The following SLC71A2 variants were observed in gnomAD, a reference collection of about 807,000 sequenced individuals.
SLC71A2 encodes the protein solute carrier family 71 member 2, also known as hippocampus abundant transcript-like 1.
chr9:94,403,542 A>G, the SLC71A2 span, among the ~76,000 whole-genome samples: 2 of 151,414 alleles, frequency 1.3e-5, no homozygotes, highest in African/African-American at 4.9e-5. Flanking sequence ...TCCATTGTAT[A>G]CATGTACCAT....
chr9:94,390,630 A>T, the SLC71A2 span, among the ~76,000 whole-genome samples: 1 of 152,208 alleles, frequency 6.6e-6, no homozygotes, highest in South Asian at 2.1e-4. Context: ...TTGATCCCAT[A>T]TATGGATGTG....
chr9:94,444,895 G>A, the SLC71A2 span: 1 of 1,464,966 alleles, frequency 6.8e-7, no homozygotes, highest in Non-Finnish European at 9.5e-7. Context: ...AGGCAGACCT[G>A]GGTAAGGATA....
At chr9:94,397,107 T>A in the SLC71A2 span, among the ~76,000 whole-genome samples, 1 of 152,314 alleles carries the variant, frequency 6.6e-6, no homozygotes, top group East Asian at 1.9e-4. Context: ...CTCTGTCCCT[T>A]TCTTTTTCTC....
At chr9:94,411,748 G>C in the SLC71A2 span, among the ~76,000 whole-genome samples, 1 of 151,950 alleles carries the variant, frequency 6.6e-6, no homozygotes, top group Non-Finnish European at 1.5e-5. Context: ...CCGCCACCAA[G>C]CCTTGCTAAT....
At chr9:94,404,075 G>C in the SLC71A2 span, among the ~76,000 whole-genome samples, 2 of 152,138 alleles carry the variant, frequency 1.3e-5, no homozygotes, top group African/African-American at 4.8e-5. Context: ...CTGTAAGACT[G>C]TCCACCCCAG....
chr9:94,442,110 A>G, the SLC71A2 span, among the ~76,000 whole-genome samples: 1 of 152,184 alleles, frequency 6.6e-6, no homozygotes, highest in African/African-American at 2.4e-5. Flanking sequence ...GTGGAAGAAG[A>G]AAGATGATCT....
At chr9:94,434,919 T>C in the SLC71A2 span, among the ~76,000 whole-genome samples, 1 of 152,202 alleles carries the variant, frequency 6.6e-6, no homozygotes, top group Non-Finnish European at 1.5e-5. Context: ...ACTCTAACTA[T>C]TATACATACT....
the SLC71A2 span, chr9:94,460,799 T>TAAAAG: frequency 6.6e-6 from 1 of 152,614 alleles, no homozygotes; most frequent in East Asian, 1.9e-4. Flanking sequence ...TGAATACATT[T>TAAAAG]AAAAGAAAAT....
chr9:94,383,161 CTT>C, the SLC71A2 span, among the ~76,000 whole-genome samples: 5 of 105,768 alleles, frequency 4.7e-5, no homozygotes, highest in Non-Finnish European at 5.4e-5. Context: ...GCTTTTACAT[CTT>C]TTTTTTTTTT....
chr9:94,436,575 C>T, the SLC71A2 span, among the ~76,000 whole-genome samples: 3 of 152,092 alleles, frequency 2.0e-5, no homozygotes, highest in Non-Finnish European at 2.9e-5. Flanking sequence ...TTTCATTTGC[C>T]TATTAAACTT....
the SLC71A2 span, among the ~76,000 whole-genome samples, chr9:94,381,393 C>T: frequency 2.0e-5 from 3 of 150,538 alleles, no homozygotes; most frequent in East Asian, 1.9e-4. Context: ...AGCATATTCT[C>T]CTCTTTGGCT....
At chr9:94,433,855 A>G in the SLC71A2 span, among the ~76,000 whole-genome samples, 1 of 152,166 alleles carries the variant, frequency 6.6e-6, no homozygotes, top group Non-Finnish European at 1.5e-5. Context: ...TTTTTCTCAT[A>G]AACTTGGAAA....
the SLC71A2 span, among the ~76,000 whole-genome samples, chr9:94,396,683 C>T: frequency 0.69 from 105,220 of 152,076 alleles, 36,643 homozygotes; most frequent in Middle Eastern, 0.76. Context: ...TGAACAAGCA[C>T]TGCTAAATAT....
chr9:94,377,384 G>GTT, the SLC71A2 span, among the ~76,000 whole-genome samples: 277 of 143,940 alleles, frequency 1.9e-3, no homozygotes, highest in Admixed American at 3.1e-3. Context: ...TGTTTTCTGT[G>GTT]TTTTTTTTTT....
the SLC71A2 span, among the ~76,000 whole-genome samples, chr9:94,455,191 AGG>A: frequency 6.0e-5 from 3 of 50,112 alleles, no homozygotes; most frequent in Non-Finnish European, 6.6e-5. Context: ...TGAGAGAGAG[AGG>A]GTCTGGCTGT....
chr9:94,392,860 G>T, the SLC71A2 span, among the ~76,000 whole-genome samples: 1 of 150,930 alleles, frequency 6.6e-6, no homozygotes, highest in African/African-American at 2.4e-5. Flanking sequence ...CCCAATTAAG[G>T]CATCTTATCT....
chr9:94,457,190 T>A, the SLC71A2 span, among the ~76,000 whole-genome samples: 1 of 152,078 alleles, frequency 6.6e-6, no homozygotes, highest in Non-Finnish European at 1.5e-5. Context: ...GGTCTCGAAC[T>A]CCTGGGTTCA....
chr9:94,413,551 A>C, the SLC71A2 span, among the ~76,000 whole-genome samples: 1 of 151,008 alleles, frequency 6.6e-6, no homozygotes, highest in Non-Finnish European at 1.5e-5. Context: ...GCTATTAAAA[A>C]GAATGTGGGC....
the SLC71A2 span, among the ~76,000 whole-genome samples, chr9:94,395,232 A>G: frequency 3.7e-3 from 568 of 152,036 alleles, 18 homozygotes; most frequent in East Asian, 0.076. Context: ...GTATGTTCAA[A>G]TTAGGGAGCA....
Sources: allele counts gnomAD v4.1 joint callset (sites outside exome capture counted in the v4.1 genomes callset), GRCh38; gene constraint gnomAD v4.1.1; transcripts MANE v1.5; gene names NCBI Gene and HGNC (gene_info 2026-07-23, HGNC 2026-07-21).